Variants in ARHGEF38 observed in about 807,000 individuals in gnomAD.
ARHGEF38 encodes the protein Rho guanine nucleotide exchange factor (GEF) 38.
In ARHGEF38, 79 loss-of-function variants were observed where a neutral mutation model predicts 79.9. The observed-to-expected ratio is 0.99, with a 90% confidence interval of 0.82 to 1.19. The LOEUF is 1.19. Among genes scored for constraint, ARHGEF38 ranks in the 50% most tolerant of loss-of-function variants. The pLI is 0.00. For missense variants in ARHGEF38, 962 were observed against 907.2 expected (o/e 1.06, Z -0.78); for synonymous variants, 366 against 328.3 (o/e 1.11, Z -1.24).
rs111474443 is a variant in ARHGEF38 at position 105,613,261 on chromosome 4, ATGT to A, written c.385-121_385-119del. 13 of 1,217,458 alleles carry A rather than the reference ATGT, an allele frequency of 1.1e-5. No individual in the cohort carries two copies. The African/African-American group carries it at 1.7e-4, about 16-fold the overall frequency. 75.4% of individuals were successfully genotyped at this position (1,217,458 alleles called of 1,614,324 possible). A position where few individuals can be genotyped will look rare whatever the true frequency, so the allele number is the denominator to read the frequency against. ...TGCACTCTAGAATTCCTAAATAAGA[ATGT>A]TAACAGAAATGGTTAATGGAGACAG... is the stretch of plus-strand genomic sequence containing the variant. On this transcript the variant is annotated intron_variant, in intron 2 of 13. Transcript: ENST00000420470.
chr4:105,651,716 A>G (rs1730112101), intron 7 of ARHGEF38, among the ~76,000 whole-genome samples: 1 of 152,048 alleles, frequency 6.6e-6, no homozygotes, highest in Admixed American at 6.6e-5. Context: ...GTGTAGTGCC[A>G]TTATCATAGC....
intron 6 of ARHGEF38, among the ~76,000 whole-genome samples, chr4:105,646,511 C>A (rs1729846815): frequency 6.6e-6 from 1 of 152,162 alleles, no homozygotes; most frequent in African/African-American, 2.4e-5. Context: ...AATGTTGAAT[C>A]TCAATCTACA....
chr4:105,561,479 A>AGAATGGAATGGAATGGAATGGAATG lies in ARHGEF38; in HGVS notation c.196+8522_196+8523insGGAATGGAATGGAATGGAATGGAAT, dbSNP rs1560684620. The AGAATGGAATGGAATGGAATGGAATG allele has an allele frequency of 9.4e-5, 5 of 53,376 alleles. 1 individual carries two copies. The highest frequency in any genetic ancestry group is 1.9e-4 in the Admixed American group (1 of 5,376). 3.3% of individuals were successfully genotyped at this position (53,376 alleles called of 1,614,324 possible). ...AGAATAGAATAGAATAGAATAGAAT[A>AGAATGGAATGGAATGGAATGGAATG]GAATAGAATAGAATAGAATAGAATA... On this transcript the variant is annotated intron_variant, in intron 1 of 13. Coordinates refer to ENST00000420470, the MANE Select transcript of ARHGEF38 (RefSeq NM_001242729.2).
At chr4:105,646,958 T>C (rs908140075) in intron 6 of ARHGEF38, among the ~76,000 whole-genome samples, 13 of 152,048 alleles carry the variant, frequency 8.5e-5, no homozygotes, top group African/African-American at 3.1e-4. Flanking sequence ...AGCATAAAAA[T>C]AGATACAGAT....
chr4:105,563,341 T>C (rs779864501), intron 1 of ARHGEF38: 1 of 152,220 alleles, frequency 6.6e-6, no homozygotes, highest in Non-Finnish European at 1.5e-5. Flanking sequence ...AGAGGGATTA[T>C]GCTGGTCCTC....
intron 2 of ARHGEF38, among the ~76,000 whole-genome samples, chr4:105,591,601 C>T (rs1247692286): frequency 6.6e-6 from 1 of 152,190 alleles, no homozygotes; most frequent in Non-Finnish European, 1.5e-5. Flanking sequence ...GCACTTCTGA[C>T]ACAAAAATTG....
At chr4:105,638,219 A>T (rs1432440720) in intron 5 of ARHGEF38, among the ~76,000 whole-genome samples, 1 of 152,058 alleles carries the variant, frequency 6.6e-6, no homozygotes, top group African/African-American at 2.4e-5. Context: ...TCCGTTTTTT[A>T]GGTTTTTTTT....
chr4:105,553,454 T>A (rs1725099137), intron 1 of ARHGEF38, among the ~76,000 whole-genome samples: 1 of 152,218 alleles, frequency 6.6e-6, no homozygotes, highest in African/African-American at 2.4e-5. Context: ...GAAGGAATGT[T>A]ATAGTCAGAG....
intron 1 of ARHGEF38, chr4:105,563,162 C>G (rs761565364): frequency 6.6e-6 from 1 of 152,148 alleles, no homozygotes; most frequent in Non-Finnish European, 1.5e-5. Flanking sequence ...GCTAACATGG[C>G]ATCCACCACA....
chr4:105,562,557 A>T (rs2110403824), intron 1 of ARHGEF38, among the ~76,000 whole-genome samples: 1 of 152,330 alleles, frequency 6.6e-6, no homozygotes, highest in African/African-American at 2.4e-5. Flanking sequence ...AGAAGAGACT[A>T]GAAAGAGTTT....
At chr4:105,658,305 A>G (rs2110562265) in intron 9 of ARHGEF38, among the ~76,000 whole-genome samples, 1 of 152,212 alleles carries the variant, frequency 6.6e-6, no homozygotes, top group African/African-American at 2.4e-5. Context: ...GCTATTCGGG[A>G]GGCTGAGGTG....
intron 4 of ARHGEF38, among the ~76,000 whole-genome samples, chr4:105,635,906 T>A (rs1344937767): frequency 1.3e-5 from 2 of 152,134 alleles, no homozygotes; most frequent in African/African-American, 2.4e-5. Context: ...ATAGCATGTC[T>A]GGAGATTGAG....
Position 105,589,257 on chromosome 4 carries a change from C to T in ARHGEF38, c.206C>T (p.Thr69Ile). Reference sequence around the variant, plus strand: ...TGTTTTCATTTAACAGAAAAGATGACTCCACAGGGTGAGTGTTCTGTAGCT... The same window carrying T: ...TGTTTTCATTTAACAGAAAAGATGATTCCACAGGGTGAGTGTTCTGTAGCT... ...EYNQKLQEKM[T>I]PQGECSVAET... Residue 69 changes from threonine to isoleucine, a missense_variant, in exon 2 of 14, where the codon ACT becomes ATT. Physicochemically the swap from Thr to Ile is moderately conservative, Grantham distance 89. Transcript: ENST00000420470. The T allele has an allele frequency of 1.2e-6, 2 of 1,611,110 alleles. No individual in the cohort carries two copies. Among genetic ancestry groups the T allele is most frequent in the Non-Finnish European group, 1.7e-6 (2 of 1,179,176 alleles).
At chr4:105,628,970 C>CA (rs1248184467) in intron 3 of ARHGEF38, among the ~76,000 whole-genome samples, 5 of 152,046 alleles carry the variant, frequency 3.3e-5, no homozygotes, top group African/African-American at 1.2e-4. Flanking sequence ...TCTATCACCC[C>CA]ATTTCATTCT....
intron 5 of ARHGEF38, among the ~76,000 whole-genome samples, chr4:105,641,035 C>T (rs895894801): frequency 2.0e-5 from 3 of 151,952 alleles, no homozygotes; most frequent in Non-Finnish European, 4.4e-5. Flanking sequence ...TGAATTATTT[C>T]GCTCACTATT....
intron 1 of ARHGEF38, chr4:105,570,151 C>T (rs1451650782): frequency 6.6e-6 from 1 of 152,166 alleles, no homozygotes; most frequent in Non-Finnish European, 1.5e-5. Flanking sequence ...TACATACATT[C>T]ACTGTATTCA....
intron 13 of ARHGEF38, among the ~76,000 whole-genome samples, chr4:105,675,203 G>A (rs907739012): frequency 2.0e-5 from 3 of 152,142 alleles, no homozygotes; most frequent in Non-Finnish European, 2.9e-5. Flanking sequence ...GGTCTCTAAA[G>A]CATTATGAGA....
In ARHGEF38 at chr4:105,648,552, T is replaced by C; in HGVS notation, c.878T>C (p.Leu293Pro). The C allele has an allele frequency of 6.6e-7, 1 of 1,509,240 alleles. No individual in the cohort carries two copies. The highest frequency in any genetic ancestry group is 1.3e-5 in the South Asian group (1 of 78,826). 93.5% of individuals were successfully genotyped at this position (1,509,240 alleles called of 1,614,324 possible). A position where few individuals can be genotyped will look rare whatever the true frequency, so the allele number is the denominator to read the frequency against. ...NELKRRKDLV[L>P]KYKKNDEDES... ...TTATTACATTCTTCCTTTTCAGTTC[T>C]AAAATACAAGAAGAATGACGAGGAT... The change falls in exon 7 of 14, where the codon CTA (leucine) becomes CCA (proline). Residue 293 changes from leucine to proline, a missense_variant. Physicochemically the swap from Leu to Pro is moderately conservative, Grantham distance 98. Transcript: ENST00000420470.
At position 105,552,948 on chromosome 4, in the gene ARHGEF38, C is replaced by T. The variant is rs375048953; in HGVS notation, c.183C>T (p.Asn61=). 6.2e-7 allele frequency: 1 copy of T among 1,607,508 alleles called. No individual in the cohort carries two copies. The highest frequency in any genetic ancestry group is 1.3e-5 in the African/African-American group (1 of 74,620). Residue 61 remains asparagine, a synonymous_variant, in exon 1 of 14, where the codon AAC becomes AAT. Transcript: ENST00000420470. Reference sequence around the variant, plus strand: ...GCCAATCTGACAGGACCGAATACAACCAGAAATTACAAGGTAACCAAAAAG... The same window carrying T: ...GCCAATCTGACAGGACCGAATACAATCAGAAATTACAAGGTAACCAAAAAG... ...RRSQSDRTEY[N]QKLQEKMTPQ...
Sources: allele counts gnomAD v4.1 joint callset (sites outside exome capture counted in the v4.1 genomes callset), GRCh38; gene constraint gnomAD v4.1.1; transcripts MANE v1.5; gene names NCBI Gene and HGNC (gene_info 2026-07-23, HGNC 2026-07-21).